LRRC37A2: variants seen among roughly 807,000 people sequenced by gnomAD.
LRRC37A2 encodes leucine-rich repeat-containing protein 37A2.
LRRC37A2 carries 9 observed loss-of-function variants against 68.8 expected under a neutral mutation model. The ratio of observed to expected loss-of-function variants is 0.13; its 90% CI spans 0.08 to 0.23. The LOEUF (loss-of-function observed/expected upper bound fraction) is 0.23, where lower values mean the gene tolerates loss of function less well. Ranked by LOEUF, LRRC37A2 falls within the 10% of genes least tolerant of loss-of-function variation. The pLI is 1.00. For missense variants in LRRC37A2, 168 were observed against 950.4 expected, an observed-to-expected ratio of 0.18 and a Z score of 10.82; for synonymous variants, 63 against 367.6, an observed-to-expected ratio of 0.17 and a Z score of 9.48.
At chr17:46,826,377 C>T in the LRRC37A2 span, among the ~76,000 whole-genome samples, 1 of 152,246 alleles carries the variant, frequency 6.6e-6, no homozygotes, top group Non-Finnish European at 1.5e-5. Context: ...GCACAGCTGG[C>T]ACAGACGTTG....
the LRRC37A2 span, among the ~76,000 whole-genome samples, chr17:46,986,390 A>G: frequency 3.9e-5 from 6 of 152,188 alleles, no homozygotes; most frequent in African/African-American, 9.7e-5. Flanking sequence ...TAAGTGCTCA[A>G]TAAATGCTAG....
the LRRC37A2 span, among the ~76,000 whole-genome samples, chr17:46,752,912 G>A: frequency 1.3e-5 from 2 of 151,908 alleles, no homozygotes; most frequent in African/African-American, 2.4e-5. Context: ...GATTACAGGC[G>A]CCCACCCACC....
chr17:47,018,674 C>G, the LRRC37A2 span: 1 of 1,520,344 alleles, frequency 6.6e-7, no homozygotes, highest in Non-Finnish European at 9.1e-7. Flanking sequence ...CCTCTCCAAC[C>G]CAGCAGGAGG....
At chr17:46,922,012 T>C in the LRRC37A2 span, among the ~76,000 whole-genome samples, 1 of 152,222 alleles carries the variant, frequency 6.6e-6, no homozygotes, top group Non-Finnish European at 1.5e-5. Flanking sequence ...TAAATCATGC[T>C]GCTATAAAGA....
the LRRC37A2 span, among the ~76,000 whole-genome samples, chr17:46,613,395 G>A: frequency 2.3e-3 from 3 of 1,308 alleles, no homozygotes; most frequent in East Asian, 9.8e-3. Context: ...CAGCATTTTG[G>A]GAGGCAGAGG....
chr17:46,927,376 G>T, the LRRC37A2 span, among the ~76,000 whole-genome samples: 1 of 152,086 alleles, frequency 6.6e-6, no homozygotes, highest in African/African-American at 2.4e-5. Flanking sequence ...TTTTCATGTT[G>T]TCAGATGTAT....
chr17:46,783,686 C>A, the LRRC37A2 span, among the ~76,000 whole-genome samples: 1 of 152,142 alleles, frequency 6.6e-6, no homozygotes, highest in African/African-American at 2.4e-5. Context: ...GTCCTCACTG[C>A]CTCTGGAGGG....
the LRRC37A2 span, among the ~76,000 whole-genome samples, chr17:47,036,620 T>C: frequency 5.3e-5 from 8 of 151,942 alleles, no homozygotes; most frequent in East Asian, 1.6e-3. Context: ...AGAATTGTTG[T>C]AGCACCCTTG....
At chr17:46,913,084 C>T in the LRRC37A2 span, among the ~76,000 whole-genome samples, 1 of 152,184 alleles carries the variant, frequency 6.6e-6, no homozygotes, top group Non-Finnish European at 1.5e-5. Context: ...AAAGGGGAGG[C>T]ACTGTATTTG....
intron 6 of LRRC37A2, among the ~76,000 whole-genome samples, chr17:46,539,760 C>G (rs1220356849): frequency 3.3e-5 from 1 of 30,258 alleles, no homozygotes; most frequent in Non-Finnish European, 7.2e-5. Flanking sequence ...AAGAGCGAGA[C>G]TCCATCTCAA....
the LRRC37A2 span, among the ~76,000 whole-genome samples, chr17:46,609,707 T>C: frequency 6.7e-6 from 1 of 148,402 alleles, no homozygotes; most frequent in East Asian, 1.9e-4. Flanking sequence ...TGACTAAAAG[T>C]AGTATCAACA....
the LRRC37A2 span, among the ~76,000 whole-genome samples, chr17:46,782,690 C>G: frequency 6.6e-6 from 1 of 152,202 alleles, no homozygotes; most frequent in Non-Finnish European, 1.5e-5. Flanking sequence ...TCTGATGCAC[C>G]CAACTACACC....
chr17:46,940,394 T>A, the LRRC37A2 span: 1 of 1,551,794 alleles, frequency 6.4e-7, no homozygotes, highest in South Asian at 1.2e-5. Flanking sequence ...GACTGGGGGG[T>A]TGCAGCATCT....
chr17:46,918,610 C>CACACACAA, the LRRC37A2 span, among the ~76,000 whole-genome samples: 2 of 128,380 alleles, frequency 1.6e-5, no homozygotes, highest in Non-Finnish European at 3.4e-5. Context: ...CACACACACA[C>CACACACAA]ACACACACAC....
At chr17:46,902,127 G>A in the LRRC37A2 span, among the ~76,000 whole-genome samples, 2 of 152,166 alleles carry the variant, frequency 1.3e-5, no homozygotes, top group South Asian at 4.1e-4. Flanking sequence ...TTACCACTGG[G>A]ATTCCTTCTG....
chr17:46,828,709 G>C, the LRRC37A2 span, among the ~76,000 whole-genome samples: 1 of 151,746 alleles, frequency 6.6e-6, no homozygotes, highest in Non-Finnish European at 1.5e-5. Flanking sequence ...TGTATTTCCA[G>C]CACTTTGGGA....
the LRRC37A2 span, among the ~76,000 whole-genome samples, chr17:46,811,020 G>T: frequency 6.6e-6 from 1 of 152,060 alleles, no homozygotes. Context: ...CACATAATGA[G>T]GCCATTTTGA....
chr17:46,622,558 G>A, the LRRC37A2 span, among the ~76,000 whole-genome samples: 18 of 148,664 alleles, frequency 1.2e-4, no homozygotes, highest in Admixed American at 4.7e-4. Flanking sequence ...CGAGGCGGGC[G>A]GATTGCCTGA....
chr17:46,883,897 C>T, the LRRC37A2 span, among the ~76,000 whole-genome samples: 2 of 152,324 alleles, frequency 1.3e-5, no homozygotes, highest in East Asian at 3.9e-4. Flanking sequence ...CTCCTCAAGT[C>T]CCCAGGGGCT....
Sources: allele counts gnomAD v4.1 joint callset (sites outside exome capture counted in the v4.1 genomes callset), GRCh38; gene constraint gnomAD v4.1.1; transcripts MANE v1.5; gene names NCBI Gene and HGNC (gene_info 2026-07-23, HGNC 2026-07-21).